Variants in SLMAP observed in about 807,000 individuals in gnomAD.
SLMAP encodes sarcolemmal membrane-associated protein.
SLMAP carries 44 observed loss-of-function variants against 128.8 expected under a neutral mutation model. The observed-to-expected ratio is 0.34, with a 90% CI of 0.27 to 0.44. The LOEUF (loss-of-function observed/expected upper bound fraction) is 0.44, where lower values mean the gene tolerates loss of function less well. SLMAP is among the 20% of genes least tolerant of loss of function. The pLI is 1.00. For missense variants in SLMAP, 787 were observed against 985.3 expected, an observed-to-expected ratio of 0.80 and a Z score of 2.69; for synonymous variants, 327 against 348.8, an observed-to-expected ratio of 0.94 and a Z score of 0.70.
At chr3:57,823,129 G>A (rs536063612) in intron 2 of SLMAP, among the ~76,000 whole-genome samples, 1 of 152,246 alleles carries the variant, frequency 6.6e-6, no homozygotes, top group Admixed American at 6.5e-5. Context: ...GGGGAAAAAT[G>A]GACAGAAACC....
At chr3:57,895,263 A>G (rs2096209383) in intron 15 of SLMAP, among the ~76,000 whole-genome samples, 1 of 152,142 alleles carries the variant, frequency 6.6e-6, no homozygotes. Context: ...TTCTTTGAAA[A>G]TTAGGCCTAA....
chr3:57,893,096 G>A (rs1479071918), intron 15 of SLMAP, among the ~76,000 whole-genome samples: 1 of 151,866 alleles, frequency 6.6e-6, no homozygotes, highest in East Asian at 1.9e-4. Flanking sequence ...GCCTCCCAAA[G>A]TGCTGGGATT....
Position 57,860,701 on chromosome 3 carries a change from T to C in SLMAP, c.690T>C (p.Asn230=). 3 of 1,548,494 alleles carry C rather than the reference T, an allele frequency of 1.9e-6. No individual in the cohort carries two copies. The highest frequency in any genetic ancestry group is 2.6e-6 in the Non-Finnish European group (3 of 1,153,322). The change falls in exon 9 of 25, where the codon AAT becomes AAC. Residue 230 remains asparagine (N), a splice_region_variant and synonymous_variant. Transcript: ENST00000671191. ...ATTATAAATATCTTTTATTGTAGAA[T>C]CAAACAGAAGATAGTTTACGAAAGG... The part of the protein sequence containing the change: ...MGNQLQACSK[N]QTEDSLRKEL...
chr3:57,812,851 A>C (rs1368615038), intron 2 of SLMAP, among the ~76,000 whole-genome samples: 3 of 149,892 alleles, frequency 2.0e-5, no homozygotes, highest in African/African-American at 7.4e-5. Flanking sequence ...CCCTTTCCCA[A>C]CTCCCTAAGT....
chr3:57,835,931 C>A (rs1269111226), intron 3 of SLMAP, among the ~76,000 whole-genome samples: 1 of 151,946 alleles, frequency 6.6e-6, no homozygotes, highest in Non-Finnish European at 1.5e-5. Context: ...CATTTGTATA[C>A]ATGTGAATGA....
At chr3:57,917,711 A>G (rs928267965) in intron 22 of SLMAP, 2 of 153,548 alleles carry the variant, frequency 1.3e-5, no homozygotes, top group African/African-American at 4.8e-5. Context: ...AGAGAGGTGC[A>G]TTTCACTTCC....
intron 15 of SLMAP, chr3:57,896,189 T>C: frequency 3.9e-6 from 4 of 1,030,634 alleles, no homozygotes; most frequent in Non-Finnish European, 4.7e-6. Flanking sequence ...GGAATTGTAC[T>C]ATATTTGTTG....
At chr3:57,819,741 G>A (rs1473387462) in intron 2 of SLMAP, among the ~76,000 whole-genome samples, 1 of 151,984 alleles carries the variant, frequency 6.6e-6, no homozygotes, top group African/African-American at 2.4e-5. Context: ...TTATTCTATG[G>A]GTAAGGTGTT....
rs2077805410 is a variant in SLMAP, at chr3:57,757,252, A to G, written c.-400A>G. The G allele has an allele frequency of 1.4e-5, 4 of 280,668 alleles. No homozygotes were observed. The South Asian group carries it at 1.4e-4, about 10-fold the overall frequency. The allele number at this position is 280,668 out of a possible 1,614,324, so 17.4% of individuals were successfully genotyped here. ...GCAACGTTTCCGCCACCAAGGGGGA[A>G]AAGCGGCCGCGATCTCAAACCAAAC... On this transcript the variant is annotated 5_prime_UTR_variant, in exon 2 of 25. Coordinates refer to ENST00000671191, the MANE Select transcript of SLMAP (RefSeq NM_001377540.1).
intron 2 of SLMAP, among the ~76,000 whole-genome samples, chr3:57,768,434 G>A (rs1234088622): frequency 6.6e-6 from 1 of 152,078 alleles, no homozygotes; most frequent in Non-Finnish European, 1.5e-5. Flanking sequence ...AAAAAGTCAA[G>A]CAGGCCAGGT....
At chr3:57,850,102 G>C (rs939117672) in intron 6 of SLMAP, among the ~76,000 whole-genome samples, 12 of 152,126 alleles carry the variant, frequency 7.9e-5, no homozygotes, top group African/African-American at 2.7e-4. Context: ...CTTGAGCCCA[G>C]GGGGTCGAGG....
At position 57,907,829 on chromosome 3, in the gene SLMAP, G is replaced by A. The variant is rs760033186; in HGVS notation, c.1502-55G>A. 11 of 1,541,968 alleles carry A rather than the reference G, an allele frequency of 7.1e-6. No individual in the cohort carries two copies. The South Asian group carries it at 1.2e-4, about 17-fold the overall frequency. Reference sequence around the variant, plus strand: ...TGAGAGAGATTACCAGTCTTTTATTGTAGATTATAGTGTGATACTAACTCT... The same window carrying A: ...TGAGAGAGATTACCAGTCTTTTATTATAGATTATAGTGTGATACTAACTCT... On this transcript the variant is annotated intron_variant, in intron 17 of 24. Coordinates refer to ENST00000671191, the MANE Select transcript of SLMAP (RefSeq NM_001377540.1).
At chr3:57,795,754 A>T (rs2086586512) in intron 2 of SLMAP, among the ~76,000 whole-genome samples, 1 of 152,012 alleles carries the variant, frequency 6.6e-6, no homozygotes, top group Non-Finnish European at 1.5e-5. Context: ...AGTGTTGTGT[A>T]ACTATAACCT....
chr3:57,912,431 G>C lies in SLMAP; in HGVS notation c.1750G>C (p.Asp584His). 1.9e-6 allele frequency: 3 copies of C among 1,614,000 alleles called. No individual in the cohort carries two copies. Among genetic ancestry groups the C allele is most frequent in the Non-Finnish European group, 2.5e-6 (3 of 1,179,900 alleles). Reference protein sequence around the residue: ...IDTENLREEKDSEITSTRDEL... With the variant: ...IDTENLREEKHSEITSTRDEL... ...TACTGAGAATCTCCGGGAGGAGAAG[G>C]ACAGTGAAATCACAAGTACTAGAGA... Residue 584 changes from aspartate (D) to histidine (H), a missense_variant, in exon 20 of 25, where the codon GAC (aspartate) becomes CAC (histidine). Physicochemically the swap from Asp to His is moderately conservative, Grantham distance 81. Transcript: ENST00000671191.
chr3:57,869,630 T>TCATATATATATATATATATATATA, intron 13 of SLMAP, among the ~76,000 whole-genome samples: 1 of 75,474 alleles, frequency 1.3e-5, no homozygotes, highest in Admixed American at 1.8e-4. Flanking sequence ...CCCATCTCTA[T>TCATATATATATATATATATATATA]TATATATATA....
chr3:57,889,628 C>T (rs765260495), intron 14 of SLMAP, among the ~76,000 whole-genome samples: 18 of 152,240 alleles, frequency 1.2e-4, no homozygotes, highest in Middle Eastern at 3.4e-3. Flanking sequence ...GGCATCTCTG[C>T]TGAATTATGT....
chr3:57,838,717 G>A (rs932550045), intron 3 of SLMAP, among the ~76,000 whole-genome samples: 4 of 152,170 alleles, frequency 2.6e-5, no homozygotes, highest in South Asian at 2.1e-4. Context: ...GTAGCACATG[G>A]TCATGCAGGC....
At chr3:57,860,177 C>T (rs999058678) in intron 8 of SLMAP, among the ~76,000 whole-genome samples, 1 of 152,132 alleles carries the variant, frequency 6.6e-6, no homozygotes, top group African/African-American at 2.4e-5. Flanking sequence ...CTTATTGATG[C>T]TCAAATTATC....
chr3:57,808,808 T>G (rs1451863564), intron 2 of SLMAP, among the ~76,000 whole-genome samples: 1 of 152,206 alleles, frequency 6.6e-6, no homozygotes, highest in Non-Finnish European at 1.5e-5. Context: ...GTCTTGAATA[T>G]CCTTGTTAAT....
Sources: gnomAD v4.1 joint callset for allele counts (sites outside exome capture counted in the v4.1 genomes callset) on GRCh38, gnomAD v4.1.1 for gene constraint, MANE v1.5 for transcripts, NCBI Gene and HGNC (gene_info 2026-07-23, HGNC 2026-07-21) for gene names.